Variants in LAMA2 observed in about 807,000 individuals in gnomAD.
LAMA2 encodes laminin subunit alpha 2.
LAMA2 carries 269 observed loss-of-function variants against 364.8 expected under a neutral mutation model. That is an observed-to-expected ratio of 0.74 (90% CI 0.67 to 0.82). The LOEUF is 0.82. Ranked by LOEUF, LAMA2 falls within the 40% of genes least tolerant of loss-of-function variation. The pLI is 0.00. For synonymous variants in LAMA2, 1,379 were observed against 1,370.6 expected, an observed-to-expected ratio of 1.01 and a Z score of -0.14; for missense variants, 3,807 against 3,873.2, an observed-to-expected ratio of 0.98 and a Z score of 0.45.
chr6:129,103,011 A>G (rs989194379), intron 4 of LAMA2, among the ~76,000 whole-genome samples: 3 of 152,156 alleles, frequency 2.0e-5, no homozygotes, highest in Non-Finnish European at 4.4e-5. Flanking sequence ...TCCTCCTAAT[A>G]CAGCAGGGCT....
chr6:128,955,791 G>A (rs1781106336), intron 1 of LAMA2, among the ~76,000 whole-genome samples: 2 of 151,870 alleles, frequency 1.3e-5, no homozygotes, highest in Admixed American at 1.3e-4. Context: ...AGATTTAAAA[G>A]TTTTAGCATT....
At chr6:128,888,050 C>G (rs781688225) in intron 1 of LAMA2, among the ~76,000 whole-genome samples, 1 of 152,018 alleles carries the variant, frequency 6.6e-6, no homozygotes, top group Non-Finnish European at 1.5e-5. Context: ...CTAGAAGATT[C>G]GGGTTTAGGA....
At chr6:129,355,259 T>C (rs187192491) in intron 32 of LAMA2, among the ~76,000 whole-genome samples, 1 of 152,318 alleles carries the variant, frequency 6.6e-6, no homozygotes, top group East Asian at 1.9e-4. Context: ...TCTCTTCACC[T>C]TTCACTAAAC....
intron 12 of LAMA2, among the ~76,000 whole-genome samples, chr6:129,217,409 C>G (rs1783498819): frequency 6.6e-6 from 1 of 152,056 alleles, no homozygotes; most frequent in Non-Finnish European, 1.5e-5. Context: ...TTTCTTTTAG[C>G]AATTATATAC....
chr6:129,228,047 A>C (rs1284637570), intron 12 of LAMA2, among the ~76,000 whole-genome samples: 1 of 151,826 alleles, frequency 6.6e-6, no homozygotes, highest in East Asian at 1.9e-4. Flanking sequence ...CCCTCTCCCA[A>C]CCTTGCTGCC....
intron 30 of LAMA2, among the ~76,000 whole-genome samples, chr6:129,348,112 C>T (rs1285395852): frequency 6.6e-6 from 1 of 152,082 alleles, no homozygotes; most frequent in African/African-American, 2.4e-5. Context: ...AATGAATGAG[C>T]TAAAAATTTG....
At chr6:129,369,807 T>C in intron 33 of LAMA2, 85 bp from the exon 34 acceptor site, 1 of 1,186,116 alleles carries the variant, frequency 8.4e-7, no homozygotes, top group Non-Finnish European at 1.3e-6. Context: ...GCTAAGTTCC[T>C]TTTATATACA....
At chr6:129,483,070 A>ACCC (rs1562605561) in intron 55 of LAMA2, among the ~76,000 whole-genome samples, 9 of 150,382 alleles carry the variant, frequency 6.0e-5, no homozygotes, top group African/African-American at 7.3e-5. Context: ...CCGACTCGAA[A>ACCC]AAAAAAAAAA....
At chr6:129,316,261 A>C in intron 27 of LAMA2, 90 bp downstream of exon 27, 1 of 1,093,218 alleles carries the variant, frequency 9.1e-7, no homozygotes, top group Non-Finnish European at 1.4e-6. Flanking sequence ...AAAGATTGGA[A>C]AGTGATTGGT....
At chr6:129,241,846 A>C (rs1324959667) in intron 12 of LAMA2, among the ~76,000 whole-genome samples, 1 of 152,160 alleles carries the variant, frequency 6.6e-6, no homozygotes, top group Non-Finnish European at 1.5e-5. Flanking sequence ...ATCTTCTAAA[A>C]TTCACAACCA....
chr6:129,059,645 C>A, intron 2 of LAMA2, 139 bp from the exon 3 acceptor site: 1 of 650,730 alleles, frequency 1.5e-6, no homozygotes, highest in Non-Finnish European at 2.8e-6. Context: ...ATCTGAATTA[C>A]TCTCCTTCTG....
At chr6:129,443,760 A>C (rs1014565430) in intron 44 of LAMA2, among the ~76,000 whole-genome samples, 9 of 152,320 alleles carry the variant, frequency 5.9e-5, no homozygotes, top group Admixed American at 3.3e-4. Context: ...AAAGTCAAGA[A>C]AAACTAAAAA....
At chr6:129,065,079 T>C (rs188968350) in intron 3 of LAMA2, among the ~76,000 whole-genome samples, 2 of 152,310 alleles carry the variant, frequency 1.3e-5, no homozygotes, top group Non-Finnish European at 2.9e-5. Context: ...GTGGGATCAC[T>C]ACCAGGGATG....
intron 1 of LAMA2, among the ~76,000 whole-genome samples, chr6:129,027,164 A>C (rs1359860237): frequency 1.3e-5 from 2 of 152,104 alleles, no homozygotes; most frequent in Non-Finnish European, 2.9e-5. Flanking sequence ...AGTTTGTTTT[A>C]ATCATGTGGA....
At chr6:129,312,438 C>CAT (rs1400821929) in intron 22 of LAMA2, among the ~76,000 whole-genome samples, 3 of 152,174 alleles carry the variant, frequency 2.0e-5, no homozygotes, top group Admixed American at 2.0e-4. Flanking sequence ...GTTATGCTAA[C>CAT]ATATTTACTT....
intron 1 of LAMA2, among the ~76,000 whole-genome samples, chr6:129,035,711 T>G (rs901188143): frequency 6.6e-6 from 1 of 152,102 alleles, no homozygotes; most frequent in Non-Finnish European, 1.5e-5. Flanking sequence ...AGTTTCATTC[T>G]TCCGCTAGCC....
In LAMA2 at chr6:129,330,865, C is replaced by A. The variant is rs953919108; in HGVS notation, c.4311+2453C>A. On this transcript the variant is annotated intron_variant, in intron 29 of 64. Transcript: ENST00000421865. ...TGAGAATCCTACCATCTCCTCCATACCTGCACCTTCTTTTTTTTTTTGAGA... is the reference window on the plus strand; with the variant it reads ...TGAGAATCCTACCATCTCCTCCATAACTGCACCTTCTTTTTTTTTTTGAGA... Among the ~76,000 whole-genome samples the A allele has an allele frequency of 3.9e-5, 6 of 151,954 alleles. No homozygotes were observed. The East Asian group carries it at 9.7e-4, about 25-fold the overall frequency.
intron 1 of LAMA2, among the ~76,000 whole-genome samples, chr6:129,016,609 A>G (rs1238520277): frequency 2.6e-5 from 4 of 151,992 alleles, no homozygotes; most frequent in African/African-American, 9.7e-5. Flanking sequence ...TTCCATTCAT[A>G]TAACATTCAA....
chr6:129,181,082 T>C (rs1252815519), intron 10 of LAMA2, among the ~76,000 whole-genome samples: 10 of 152,120 alleles, frequency 6.6e-5, no homozygotes, highest in Admixed American at 4.6e-4. Context: ...TAAAAGTTAC[T>C]ACCTTGTGTA....
Sources: gnomAD v4.1 joint callset for allele counts (sites outside exome capture counted in the v4.1 genomes callset) on GRCh38, gnomAD v4.1.1 for gene constraint, MANE v1.5 for transcripts, NCBI Gene and HGNC (gene_info 2026-07-23, HGNC 2026-07-21) for gene names.